THSD4: variants seen among roughly 807,000 people sequenced by gnomAD.
THSD4 encodes the protein thrombospondin type-1 domain-containing protein 4.
In THSD4, 69 loss-of-function variants were observed where a neutral mutation model predicts 119.0. That is an observed-to-expected ratio of 0.58 (90% CI 0.48 to 0.71). The LOEUF (loss-of-function observed/expected upper bound fraction) is 0.71, where lower values mean the gene tolerates loss of function less well. Among genes scored for constraint, THSD4 ranks in the 30% least tolerant of loss-of-function variants. The pLI is 0.00. For synonymous variants in THSD4, 524 were observed against 540.4 expected (o/e 0.97, Z 0.42); for missense variants, 1,393 against 1,391.1 (o/e 1.00, Z -0.02).
intron 7 of THSD4, among the ~76,000 whole-genome samples, chr15:71,495,283 G>A (rs758994012): frequency 1.6e-4 from 24 of 152,072 alleles, no homozygotes; most frequent in Non-Finnish European, 2.8e-4. Flanking sequence ...TTCCAACCCT[G>A]CCCTCAAATG....
At chr15:71,376,964 C>T (rs191009773) in intron 6 of THSD4, among the ~76,000 whole-genome samples, 1 of 152,134 alleles carries the variant, frequency 6.6e-6, no homozygotes, top group East Asian at 1.9e-4. Context: ...AGATGCTGTA[C>T]GAATACTCAC....
At chr15:71,424,367 T>C (rs2046843785) in intron 7 of THSD4, among the ~76,000 whole-genome samples, 1 of 152,114 alleles carries the variant, frequency 6.6e-6, no homozygotes, top group Admixed American at 6.6e-5. Context: ...GGGGTTGATG[T>C]CTACTCCCTT....
intron 8 of THSD4, among the ~76,000 whole-genome samples, chr15:71,724,286 TA>T (rs766585112): frequency 0.4 from 20,785 of 52,424 alleles, 3,517 homozygotes; most frequent in Admixed American, 0.46. Flanking sequence ...TATATATATA[TA>T]TTTTTTTTTT....
intron 7 of THSD4, among the ~76,000 whole-genome samples, chr15:71,413,256 A>G (rs1313259762): frequency 1.3e-5 from 2 of 152,178 alleles, no homozygotes; most frequent in Non-Finnish European, 2.9e-5. Context: ...CAAGTGATCC[A>G]CCTGCCTTGG....
At chr15:71,363,116 A>G (rs896710546) in intron 6 of THSD4, among the ~76,000 whole-genome samples, 18 of 152,208 alleles carry the variant, frequency 1.2e-4, no homozygotes, top group Non-Finnish European at 2.5e-4. Flanking sequence ...TAAAGGGTAC[A>G]GAGTGTGTCT....
intron 7 of THSD4, among the ~76,000 whole-genome samples, chr15:71,477,508 G>C (rs1208315255): frequency 6.6e-6 from 1 of 152,194 alleles, no homozygotes; most frequent in Non-Finnish European, 1.5e-5. Context: ...ACTGGAGTGG[G>C]ATTAGGAGTA....
At chr15:71,165,136 T>C in intron 3 of THSD4, 1 of 1,607,106 alleles carries the variant, frequency 6.2e-7, no homozygotes, top group Non-Finnish European at 8.5e-7. Context: ...GCCTCTTGGG[T>C]GCATTGGGAT....
At chr15:71,458,383 T>C (rs2047369353) in intron 7 of THSD4, among the ~76,000 whole-genome samples, 1 of 152,234 alleles carries the variant, frequency 6.6e-6, no homozygotes, top group Non-Finnish European at 1.5e-5. Context: ...TTTATAACAA[T>C]ATTATCAAAG....
chr15:71,274,837 C>T (rs1289947383), intron 6 of THSD4, among the ~76,000 whole-genome samples: 5 of 152,104 alleles, frequency 3.3e-5, no homozygotes, highest in Non-Finnish European at 7.3e-5. Context: ...GGCACTTGAA[C>T]CCATGTCATT....
intron 6 of THSD4, among the ~76,000 whole-genome samples, chr15:71,325,814 A>C (rs1467693657): frequency 6.6e-6 from 1 of 152,176 alleles, no homozygotes; most frequent in African/African-American, 2.4e-5. Context: ...AAACAATAAC[A>C]AAAAAACTCC....
At chr15:71,757,809 A>G (rs2053567791) in intron 14 of THSD4, 93 bp from the exon 15 acceptor site, 2 of 1,528,024 alleles carry the variant, frequency 1.3e-6, no homozygotes, top group African/African-American at 2.8e-5. Flanking sequence ...ACGGCAGGAA[A>G]ATGAAGCATT....
intron 6 of THSD4, among the ~76,000 whole-genome samples, chr15:71,345,157 G>C (rs2045637015): frequency 7.6e-6 from 1 of 131,520 alleles, no homozygotes; most frequent in Non-Finnish European, 1.5e-5. Flanking sequence ...TCTCATTTCT[G>C]TATGGTATGT....
chr15:71,368,949 C>G (rs1382664029), intron 6 of THSD4, among the ~76,000 whole-genome samples: 2 of 152,170 alleles, frequency 1.3e-5, no homozygotes, highest in East Asian at 1.9e-4. Flanking sequence ...TTTGTGTCCT[C>G]TTTTATTTTG....
chr15:71,743,731 ACTGT>A (rs1394829540), intron 11 of THSD4, among the ~76,000 whole-genome samples: 1 of 152,220 alleles, frequency 6.6e-6, no homozygotes, highest in Non-Finnish European at 1.5e-5. Context: ...CAGATTCAAC[ACTGT>A]CTTGCAAACT....
chr15:71,373,418 GA>G (rs2046086302), intron 6 of THSD4, among the ~76,000 whole-genome samples: 1 of 151,966 alleles, frequency 6.6e-6, no homozygotes, highest in African/African-American at 2.4e-5. Context: ...CTCCTAACTT[GA>G]ACTTACATGA....
intron 3 of THSD4, among the ~76,000 whole-genome samples, chr15:71,159,634 A>AT (rs1447364173): frequency 2.0e-5 from 3 of 151,992 alleles, no homozygotes; most frequent in African/African-American, 4.8e-5. Flanking sequence ...TTGAATTTTG[A>AT]TTTTTTGTGT....
At chr15:71,460,220 C>G (rs2047408478) in intron 7 of THSD4, among the ~76,000 whole-genome samples, 1 of 151,278 alleles carries the variant, frequency 6.6e-6, no homozygotes, top group Non-Finnish European at 1.5e-5. Flanking sequence ...TGAGCCGACT[C>G]ACTAATAGAA....
intron 7 of THSD4, among the ~76,000 whole-genome samples, chr15:71,444,664 T>C (rs894143): frequency 0.29 from 43,422 of 151,934 alleles, 6,335 homozygotes; most frequent in Middle Eastern, 0.36. Context: ...ACACCTCCAC[T>C]CAATGAGTCC....
In THSD4 at chr15:71,781,012, T is replaced by C. The variant is rs1381353794; in HGVS notation, c.*3638T>C. 4 of 330,744 alleles carry C rather than the reference T, an allele frequency of 1.2e-5. No homozygotes were observed. The highest frequency in any genetic ancestry group is 2.5e-5 in the South Asian group (1 of 40,114). 20.5% of individuals were successfully genotyped at this position (330,744 alleles called of 1,614,324 possible). ...ATCAATTCTAATGAGGAGGAAGACA[T>C]AAATATAAGTGGTAAAAAGAAACAT... On this transcript the variant is annotated 3_prime_UTR_variant, in exon 18 of 18. Transcript: ENST00000261862.
Sources: allele counts gnomAD v4.1 joint callset (sites outside exome capture counted in the v4.1 genomes callset), GRCh38; gene constraint gnomAD v4.1.1; transcripts MANE v1.5; gene names NCBI Gene and HGNC (gene_info 2026-07-23, HGNC 2026-07-21).